Variants in CADPS2 observed in about 807,000 individuals in gnomAD.
CADPS2 encodes calcium-dependent secretion activator 2.
In CADPS2, 93 loss-of-function variants were observed where a neutral mutation model predicts 172.5. The ratio of observed to expected loss-of-function variants is 0.54; its 90% CI spans 0.46 to 0.64. The LOEUF (loss-of-function observed/expected upper bound fraction) is 0.64, where lower values mean the gene tolerates loss of function less well. Among genes scored for constraint, CADPS2 ranks in the 30% least tolerant of loss-of-function variants. The probability of loss-of-function intolerance (pLI) is 0.00; values close to 1 mark genes in which losing one functional copy is unlikely to be tolerated. For missense variants in CADPS2, 1,420 were observed against 1,565.9 expected, an observed-to-expected ratio of 0.91 and a Z score of 1.57; for synonymous variants, 546 against 555.2, an observed-to-expected ratio of 0.98 and a Z score of 0.23.
chr7:122,409,634 G>A (rs1421593706), intron 19 of CADPS2: 1 of 470,588 alleles, frequency 2.1e-6, no homozygotes. Context: ...CCTAATGATG[G>A]CTAAATAACG....
intron 2 of CADPS2, among the ~76,000 whole-genome samples, chr7:122,672,987 G>A (rs1294609282): frequency 2.0e-5 from 3 of 152,166 alleles, no homozygotes; most frequent in African/African-American, 4.8e-5. Flanking sequence ...TGGTGGGTTC[G>A]TGGTCTCACT....
At chr7:122,871,573 G>C (rs1819764162) in intron 1 of CADPS2, among the ~76,000 whole-genome samples, 2 of 151,936 alleles carry the variant, frequency 1.3e-5, no homozygotes, top group African/African-American at 4.8e-5. Context: ...GCTAAAGAAA[G>C]AAAGGCTAGA....
intron 8 of CADPS2, among the ~76,000 whole-genome samples, chr7:122,521,581 G>T (rs986275620): frequency 1.3e-5 from 2 of 152,012 alleles, no homozygotes; most frequent in Admixed American, 6.6e-5. Context: ...ATACTTTCTG[G>T]TTGGTTATTA....
At chr7:122,512,121 C>T (rs951297974) in intron 9 of CADPS2, among the ~76,000 whole-genome samples, 28 of 152,124 alleles carry the variant, frequency 1.8e-4, no homozygotes, top group African/African-American at 6.0e-4. Context: ...TGGTTGTTTG[C>T]CATGTAGATA....
intron 1 of CADPS2, chr7:122,849,799 T>G: frequency 1.9e-6 from 1 of 518,968 alleles, no homozygotes; most frequent in Non-Finnish European, 3.8e-6. Flanking sequence ...CCTCTCCCTT[T>G]ACATCATCCC....
At chr7:122,883,476 T>C (rs1031623895) in intron 1 of CADPS2, among the ~76,000 whole-genome samples, 1 of 152,206 alleles carries the variant, frequency 6.6e-6, no homozygotes, top group Admixed American at 6.5e-5. Flanking sequence ...AGATACAGAA[T>C]AAAATAAACA....
intron 7 of CADPS2, among the ~76,000 whole-genome samples, chr7:122,573,181 T>C (rs1412425243): frequency 6.6e-6 from 1 of 152,218 alleles, no homozygotes; most frequent in East Asian, 1.9e-4. Context: ...GTGTTTAAAA[T>C]ACTCCCTCCT....
chr7:122,421,239 T>G (rs2048494051), intron 17 of CADPS2: 1 of 152,234 alleles, frequency 6.6e-6, no homozygotes, highest in Admixed American at 6.5e-5. Context: ...ACATGATGAT[T>G]TATGTATATA....
At chr7:122,326,568 G>A (rs942517611) in intron 28 of CADPS2, among the ~76,000 whole-genome samples, 2 of 151,968 alleles carry the variant, frequency 1.3e-5, no homozygotes, top group African/African-American at 4.8e-5. Context: ...TGACAAAAGA[G>A]TTTTGAAAGA....
intron 1 of CADPS2, among the ~76,000 whole-genome samples, chr7:122,743,605 A>T (rs1000688043): frequency 2.6e-5 from 4 of 152,202 alleles, no homozygotes; most frequent in African/African-American, 9.6e-5. Flanking sequence ...ATGGGTGTGC[A>T]TTTACCTCAT....
chr7:122,551,111 G>A (rs2064225144), intron 8 of CADPS2, among the ~76,000 whole-genome samples: 1 of 151,956 alleles, frequency 6.6e-6, no homozygotes, highest in Admixed American at 6.6e-5. Context: ...TAGATTGGAT[G>A]CATTTTACCT....
intron 1 of CADPS2, among the ~76,000 whole-genome samples, chr7:122,848,841 G>T (rs1812739552): frequency 6.6e-6 from 1 of 152,122 alleles, no homozygotes; most frequent in East Asian, 1.9e-4. Flanking sequence ...GATGGGAAAG[G>T]GAGAGGAACT....
At chr7:122,601,684 C>CA (rs761495557) in intron 6 of CADPS2, among the ~76,000 whole-genome samples, 32 of 151,270 alleles carry the variant, frequency 2.1e-4, no homozygotes, top group Non-Finnish European at 1.3e-4. Flanking sequence ...CGTGTAAGTG[C>CA]AAAAAAAACC....
intron 1 of CADPS2, among the ~76,000 whole-genome samples, chr7:122,760,535 T>C (rs2093342209): frequency 1.3e-5 from 2 of 151,974 alleles, no homozygotes; most frequent in East Asian, 3.9e-4. Context: ...CCTGATAATG[T>C]AGAGAGTTCA....
intron 11 of CADPS2, among the ~76,000 whole-genome samples, chr7:122,482,368 T>C (rs1409481372): frequency 2.6e-5 from 4 of 152,038 alleles, no homozygotes; most frequent in African/African-American, 9.7e-5. Flanking sequence ...ACCTAGTGGG[T>C]AGAGGACAGG....
intron 9 of CADPS2, among the ~76,000 whole-genome samples, chr7:122,510,675 T>A (rs1422288792): frequency 6.6e-6 from 1 of 152,196 alleles, no homozygotes; most frequent in Non-Finnish European, 1.5e-5. Context: ...AGGGGTATAC[T>A]GTCCTCCCTG....
chr7:122,387,525 TCA>T (rs1196587663), intron 23 of CADPS2, among the ~76,000 whole-genome samples: 4 of 152,048 alleles, frequency 2.6e-5, no homozygotes, highest in African/African-American at 7.2e-5. Context: ...AGTAGAAAAA[TCA>T]CACACTTGTA....
chr7:122,581,816 A>G (rs1218389206), intron 6 of CADPS2, among the ~76,000 whole-genome samples: 1 of 152,122 alleles, frequency 6.6e-6, no homozygotes, highest in Non-Finnish European at 1.5e-5. Context: ...AAAGAAAGAA[A>G]TATGCATCAT....
chr7:122,670,839 T>G (rs763703273), intron 2 of CADPS2, among the ~76,000 whole-genome samples: 36 of 147,412 alleles, frequency 2.4e-4, no homozygotes, highest in Non-Finnish European at 2.5e-4. Context: ...AGCTATGATC[T>G]CGCTACTGCA....
Sources: gnomAD v4.1 joint callset for allele counts (sites outside exome capture counted in the v4.1 genomes callset) on GRCh38, gnomAD v4.1.1 for gene constraint, MANE v1.5 for transcripts, NCBI Gene and HGNC (gene_info 2026-07-23, HGNC 2026-07-21) for gene names.